The following KBTBD3 variants were observed in gnomAD, a reference collection of about 807,000 sequenced individuals.
KBTBD3 encodes the protein kelch repeat and BTB domain-containing protein 3.
KBTBD3 carries 38 observed loss-of-function variants against 49.6 expected under a neutral mutation model. The ratio of observed to expected loss-of-function variants is 0.77; its 90% CI spans 0.59 to 1.00. KBTBD3 has a LOEUF of 1.00. KBTBD3 is among the 50% of genes least tolerant of loss of function. The pLI is 0.00. For synonymous variants in KBTBD3, 214 were observed against 250.4 expected, an observed-to-expected ratio of 0.85 and a Z score of 1.37; for missense variants, 661 against 712.0, an observed-to-expected ratio of 0.93 and a Z score of 0.81.
At chr11:106,064,991 A>T (rs148880710) in intron 2 of KBTBD3, among the ~76,000 whole-genome samples, 1 of 152,314 alleles carries the variant, frequency 6.6e-6, no homozygotes, top group Admixed American at 6.5e-5. Context: ...TGGATTTCTA[A>T]AAGTTCTCTG....
chr11:106,057,945 G>A (rs1015122377), intron 3 of KBTBD3: 112 of 397,382 alleles, frequency 2.8e-4, no homozygotes, highest in Non-Finnish European at 1.2e-4. Flanking sequence ...ATACAACACA[G>A]GGATCCCCCA....
intron 3 of KBTBD3, 41 bp from the exon 4 acceptor site, chr11:106,054,496 T>C: frequency 7.1e-7 from 1 of 1,410,002 alleles, no homozygotes; most frequent in Non-Finnish European, 9.4e-7. Flanking sequence ...AAGAATATTT[T>C]ATTCCATAAT....
At chr11:106,071,578 T>C (rs1336850337) in intron 2 of KBTBD3, among the ~76,000 whole-genome samples, 1 of 152,124 alleles carries the variant, frequency 6.6e-6, no homozygotes, top group Non-Finnish European at 1.5e-5. Flanking sequence ...TATAACACTG[T>C]TTTTAAAAAA....
chr11:106,053,633 C>T lies in KBTBD3; in HGVS notation c.1056G>A (p.Gly352=). The T allele has an allele frequency of 6.2e-7, 1 of 1,613,866 alleles. No homozygotes were observed. The highest frequency in any genetic ancestry group is 8.5e-7 in the Non-Finnish European group (1 of 1,179,904). Residue 352 remains glycine, a synonymous_variant, in exon 4 of 4, where the codon GGG becomes GGA. Coordinates refer to ENST00000531837, the MANE Select transcript of KBTBD3 (RefSeq NM_198439.3). ...GCAGTCGAACCGTTCGACAACATTT[C>T]CCTTTGCAACCACCTGTCAAGAATA... ...EKIFLTGGCK[G]KCCRTVRLHI...
At chr11:106,077,074 G>A (rs892188471) in intron 1 of KBTBD3, among the ~76,000 whole-genome samples, 4 of 152,148 alleles carry the variant, frequency 2.6e-5, no homozygotes, top group African/African-American at 9.7e-5. Context: ...GTGTGAGGGT[G>A]GGTCTTAGGC....
chr11:106,053,300 T>C lies in KBTBD3; in HGVS notation c.1389A>G (p.Val463=), dbSNP rs1436128148. Residue 463 remains valine, a synonymous_variant, in exon 4 of 4, where the codon GTA becomes GTG. Transcript: ENST00000531837. ...QNVIYVLGSE[V]EITDAFNPSL... ...ATGGGTTAAAAGCATCTGTAATCTCTACCTCTGATCCAAGAACATAAATTA... is the reference window on the plus strand; with the variant it reads ...ATGGGTTAAAAGCATCTGTAATCTCCACCTCTGATCCAAGAACATAAATTA... 6 of 1,613,380 alleles carry C rather than the reference T, an allele frequency of 3.7e-6. No homozygotes were observed. The highest frequency in any genetic ancestry group is 2.2e-5 in the East Asian group (1 of 44,880).
At chr11:106,057,772 T>C (rs1860585098) in intron 3 of KBTBD3, 1 of 324,918 alleles carries the variant, frequency 3.1e-6, no homozygotes, top group Non-Finnish European at 5.5e-6. Flanking sequence ...AAGGAGAGGA[T>C]GAATTTGCTA....
intron 2 of KBTBD3, among the ~76,000 whole-genome samples, chr11:106,069,139 G>A (rs964403179): frequency 6.6e-6 from 1 of 152,008 alleles, no homozygotes; most frequent in Non-Finnish European, 1.5e-5. Context: ...CCTAAGATGA[G>A]GAAAACAGCA....
chr11:106,058,273 T>C lies in KBTBD3; in HGVS notation c.233+592A>G, dbSNP rs1294032018. Reference sequence around the variant, plus strand: ...GTGGCGGGCACTAGTCCCAGCTACTTGGGAGGCTGAGGCAGGAGAATGGCT... The same window carrying C: ...GTGGCGGGCACTAGTCCCAGCTACTCGGGAGGCTGAGGCAGGAGAATGGCT... On this transcript the variant is annotated intron_variant, in intron 3 of 3. Transcript: ENST00000531837. 2.6e-5 allele frequency among the ~76,000 whole-genome samples: 4 copies of C among 151,600 alleles called. No homozygotes were observed. The East Asian group carries it at 5.9e-4, about 23-fold the overall frequency.
intron 2 of KBTBD3, among the ~76,000 whole-genome samples, chr11:106,071,409 TA>T (rs1180881578): frequency 6.6e-6 from 1 of 152,142 alleles, no homozygotes; most frequent in African/African-American, 2.4e-5. Context: ...TGTGTTGGAT[TA>T]AGTCAATTAT....
At chr11:106,061,372 A>G (rs543519537) in intron 2 of KBTBD3, among the ~76,000 whole-genome samples, 24 of 152,336 alleles carry the variant, frequency 1.6e-4, no homozygotes, top group Middle Eastern at 3.4e-3. Flanking sequence ...AAAACTAAAA[A>G]TTCAGGTCCC....
At chr11:106,070,442 A>G (rs2135021335) in intron 2 of KBTBD3, among the ~76,000 whole-genome samples, 1 of 152,240 alleles carries the variant, frequency 6.6e-6, no homozygotes, top group East Asian at 1.9e-4. Context: ...AAAGGCACAA[A>G]GAGATATTTC....
chr11:106,074,108 G>A (rs1441854005), intron 2 of KBTBD3, among the ~76,000 whole-genome samples: 3 of 88,330 alleles, frequency 3.4e-5, no homozygotes, highest in Non-Finnish European at 9.9e-5. Flanking sequence ...TTAGAATGCC[G>A]AACACCCCCC....
intron 2 of KBTBD3, among the ~76,000 whole-genome samples, chr11:106,067,464 G>T (rs1324365870): frequency 1.3e-5 from 2 of 152,040 alleles, no homozygotes; most frequent in Non-Finnish European, 2.9e-5. Flanking sequence ...TTAGCTGGGT[G>T]TGGTGGCAGG....
At chr11:106,071,728 A>G (rs1438137167) in intron 2 of KBTBD3, among the ~76,000 whole-genome samples, 1 of 152,164 alleles carries the variant, frequency 6.6e-6, no homozygotes. Context: ...CAACTAGAGA[A>G]ATAGTCCTAA....
At chr11:106,074,682 T>C (rs1860994983) in intron 2 of KBTBD3, among the ~76,000 whole-genome samples, 1 of 152,228 alleles carries the variant, frequency 6.6e-6, no homozygotes, top group Non-Finnish European at 1.5e-5. Context: ...AGTGCTCCCC[T>C]TTCTCAGGCA....
At chr11:106,068,090 T>C (rs1412456405) in intron 2 of KBTBD3, among the ~76,000 whole-genome samples, 2 of 146,732 alleles carry the variant, frequency 1.4e-5, no homozygotes, top group Non-Finnish European at 3.0e-5. Flanking sequence ...GATAGAGCTG[T>C]AAAATATGTG....
intron 3 of KBTBD3, among the ~76,000 whole-genome samples, chr11:106,058,285 G>A (rs1290046930): frequency 6.6e-6 from 1 of 151,820 alleles, no homozygotes; most frequent in Non-Finnish European, 1.5e-5. Flanking sequence ...GGAGGCTGAG[G>A]CAGGAGAATG....
At position 106,070,118 on chromosome 11, in the gene KBTBD3, G is replaced by A. The variant is rs181677215; in HGVS notation, c.-13+6389C>T. Among the ~76,000 whole-genome samples, 140 of 151,956 alleles carry A rather than the reference G, an allele frequency of 9.2e-4. 1 individual carries two copies. Among genetic ancestry groups the A allele is most frequent in the African/African-American group, 3.2e-3 (134 of 41,476 alleles). The stretch of plus-strand genomic sequence containing the variant: ...CTTTATGTAAAAATTAACTCAAAAC[G>A]GTCATAGATTTAAATGTAAAATATA... On this transcript the variant is annotated intron_variant, in intron 2 of 3. Transcript: ENST00000531837.
Sources: gnomAD v4.1 joint callset for allele counts (sites outside exome capture counted in the v4.1 genomes callset) on GRCh38, gnomAD v4.1.1 for gene constraint, MANE v1.5 for transcripts, NCBI Gene and HGNC (gene_info 2026-07-23, HGNC 2026-07-21) for gene names.